Variants in ZNRF3 observed in about 807,000 individuals in gnomAD.
ZNRF3 encodes zinc and ring finger 3.
ZNRF3 carries 23 observed loss-of-function variants against 72.5 expected under a neutral mutation model. The observed-to-expected ratio is 0.32, with a 90% CI of 0.23 to 0.45. The LOEUF is 0.45. Among genes scored for constraint, ZNRF3 ranks in the 20% least tolerant of loss-of-function variants. The probability of loss-of-function intolerance (pLI) is 1.00; values close to 1 mark genes in which losing one functional copy is unlikely to be tolerated. For synonymous variants in ZNRF3, 610 were observed against 545.3 expected, an observed-to-expected ratio of 1.12 and a Z score of -1.65; for missense variants, 1,169 against 1,272.1, an observed-to-expected ratio of 0.92 and a Z score of 1.23.
intron 2 of ZNRF3, among the ~76,000 whole-genome samples, chr22:29,006,326 G>A (rs2347789): frequency 0.44 from 66,730 of 149,960 alleles, 15,135 homozygotes; most frequent in Non-Finnish European, 0.49. Context: ...CGATTCTCCT[G>A]CCTCAGCCTC....
intron 1 of ZNRF3, among the ~76,000 whole-genome samples, chr22:28,934,658 A>T (rs1263382114): frequency 6.6e-6 from 1 of 151,942 alleles, no homozygotes; most frequent in East Asian, 1.9e-4. Flanking sequence ...TCTCTACTAA[A>T]AGTACAAATA....
intron 1 of ZNRF3, among the ~76,000 whole-genome samples, chr22:28,965,188 C>G (rs559400128): frequency 2.0e-5 from 3 of 152,282 alleles, no homozygotes; most frequent in Non-Finnish European, 2.9e-5. Context: ...TTGCATCAGC[C>G]ACACACGAGG....
intron 8 of ZNRF3, 58 bp downstream of exon 8, chr22:29,051,006 C>G: frequency 6.7e-7 from 1 of 1,483,826 alleles, no homozygotes. Flanking sequence ...GTCGTCTTGT[C>G]TTCTGTCTTA....
chr22:29,014,905 G>A lies in ZNRF3; in HGVS notation c.427-27590G>A, dbSNP rs1187016261. ...GAGCTCAGAGTCAAGGTTCCTGAAAGAAGAGAGGGAAAGATTCCCACAGCC... is the reference window on the plus strand; with the variant it reads ...GAGCTCAGAGTCAAGGTTCCTGAAAAAAGAGAGGGAAAGATTCCCACAGCC... On this transcript the variant is annotated intron_variant, in intron 2 of 8. Coordinates refer to ENST00000544604, the MANE Select transcript of ZNRF3 (RefSeq NM_001206998.2). 2.0e-5 allele frequency among the ~76,000 whole-genome samples: 3 copies of A among 152,222 alleles called. No individual in the cohort carries two copies. The East Asian group carries it at 5.8e-4, about 29-fold the overall frequency.
intron 8 of ZNRF3, among the ~76,000 whole-genome samples, chr22:29,053,142 T>C (rs969199906): frequency 1.3e-5 from 2 of 152,112 alleles, no homozygotes; most frequent in African/African-American, 4.8e-5. Context: ...TGTCCGCTAC[T>C]TTTCTCCTCC....
intron 2 of ZNRF3, among the ~76,000 whole-genome samples, chr22:29,024,480 C>G (rs896737065): frequency 6.6e-6 from 1 of 152,014 alleles, no homozygotes; most frequent in African/African-American, 2.4e-5. Flanking sequence ...CACAAGATAA[C>G]AAGTTGATAT....
chr22:29,031,268 A>G (rs554599643), intron 2 of ZNRF3: 1 of 152,244 alleles, frequency 6.6e-6, no homozygotes, highest in African/African-American at 2.4e-5. Flanking sequence ...TCCCCACCCT[A>G]GTACAAATTA....
At chr22:28,912,206 A>C (rs2034330892) in intron 1 of ZNRF3, among the ~76,000 whole-genome samples, 1 of 152,210 alleles carries the variant, frequency 6.6e-6, no homozygotes, top group Admixed American at 6.5e-5. Context: ...AAGTTGTTCC[A>C]GAAACATTGC....
intron 1 of ZNRF3, among the ~76,000 whole-genome samples, chr22:28,914,651 C>T (rs2034379106): frequency 6.6e-6 from 1 of 151,708 alleles, no homozygotes. Context: ...CCCGTCTCTA[C>T]TAAAAATACA....
intron 1 of ZNRF3, among the ~76,000 whole-genome samples, chr22:28,976,068 A>T (rs1248960990): frequency 6.6e-6 from 1 of 152,206 alleles, no homozygotes; most frequent in Non-Finnish European, 1.5e-5. Context: ...CATATGGAGA[A>T]GTTCAAAAAA....
intron 1 of ZNRF3, among the ~76,000 whole-genome samples, chr22:28,924,575 C>G (rs2034567213): frequency 6.6e-6 from 1 of 151,948 alleles, no homozygotes; most frequent in Non-Finnish European, 1.5e-5. Context: ...GAGACCCTGT[C>G]TCTTAAAAAA....
chr22:28,896,195 C>T (rs565097129), intron 1 of ZNRF3, among the ~76,000 whole-genome samples: 62 of 149,802 alleles, frequency 4.1e-4, no homozygotes, highest in Admixed American at 1.5e-3. Context: ...AGTGCAGTGG[C>T]GCGATCTTGG....
At chr22:28,980,446 T>G (rs904379380) in intron 1 of ZNRF3, among the ~76,000 whole-genome samples, 1 of 152,226 alleles carries the variant, frequency 6.6e-6, no homozygotes, top group Non-Finnish European at 1.5e-5. Context: ...AAGTGAGATT[T>G]CAACACAAGA....
chr22:29,006,631 T>A (rs73172431), intron 2 of ZNRF3, among the ~76,000 whole-genome samples: 5,113 of 152,306 alleles, frequency 0.034, 130 homozygotes, highest in Middle Eastern at 0.068. Context: ...CTCTCAGTAG[T>A]TGTGCTCCAT....
intron 2 of ZNRF3, among the ~76,000 whole-genome samples, chr22:29,042,162 G>A (rs2036975407): frequency 6.6e-6 from 1 of 152,112 alleles, no homozygotes; most frequent in South Asian, 2.1e-4. Context: ...ACATATTCGT[G>A]GGGTACATAG....
chr22:29,020,160 C>G (rs2036505080), intron 2 of ZNRF3, among the ~76,000 whole-genome samples: 1 of 148,662 alleles, frequency 6.7e-6, no homozygotes, highest in Non-Finnish European at 1.5e-5. Context: ...AATGTAAGTA[C>G]TATGTATTAA....
At chr22:29,043,245 A>G in intron 3 of ZNRF3, 54 bp from the exon 4 acceptor site, 1 of 1,588,360 alleles carries the variant, frequency 6.3e-7, no homozygotes, top group Non-Finnish European at 8.6e-7. Flanking sequence ...CTTTCTCTCT[A>G]CTGCTTCTTA....
Position 29,053,857 on chromosome 22 carries a change from T to C in ZNRF3, c.*235T>C, listed in dbSNP as rs2037253877. ...GAGTCCTTTGCCTCTTTTGATAACA[T>C]GTTGTTCTGTTTTGTAAAGTGTGTG... On this transcript the variant is annotated 3_prime_UTR_variant, in exon 9 of 9. Coordinates refer to ENST00000544604, the MANE Select transcript of ZNRF3 (RefSeq NM_001206998.2). The C allele has an allele frequency of 4.5e-6, 2 of 446,096 alleles. No homozygotes were observed. The highest frequency in any genetic ancestry group is 8.4e-5 in the East Asian group (2 of 23,920). 27.6% of individuals were successfully genotyped at this position (446,096 alleles called of 1,614,324 possible).
At chr22:28,972,838 C>A (rs2035602490) in intron 1 of ZNRF3, among the ~76,000 whole-genome samples, 1 of 152,196 alleles carries the variant, frequency 6.6e-6, no homozygotes. Context: ...TATTGAGCAT[C>A]TTTTAATGTG....
Sources: gnomAD v4.1 joint callset for allele counts (sites outside exome capture counted in the v4.1 genomes callset) on GRCh38, gnomAD v4.1.1 for gene constraint, MANE v1.5 for transcripts, NCBI Gene and HGNC (gene_info 2026-07-23, HGNC 2026-07-21) for gene names.